The following MICU3 variants were observed in gnomAD, a reference collection of about 807,000 sequenced individuals.
The protein encoded by MICU3 is mitochondrial calcium uptake 3.
MICU3 carries 62 observed loss-of-function variants against 66.5 expected under a neutral mutation model. That is an observed-to-expected ratio of 0.93 (90% CI 0.76 to 1.15). The LOEUF (loss-of-function observed/expected upper bound fraction) is 1.15. Among genes scored for constraint, MICU3 ranks in the 50% most tolerant of loss-of-function variants. The pLI is 0.00. For missense variants in MICU3, 779 were observed against 664.4 expected (o/e 1.17, Z -1.90); for synonymous variants, 308 against 240.7 (o/e 1.28, Z -2.59).
At chr8:17,071,255 A>C (rs1259072810) in intron 3 of MICU3, among the ~76,000 whole-genome samples, 1 of 152,140 alleles carries the variant, frequency 6.6e-6, no homozygotes, top group African/African-American at 2.4e-5. Flanking sequence ...AGTGGGTTTA[A>C]CACCAGACAT....
chr8:17,099,352 T>G (rs979288658), intron 9 of MICU3, among the ~76,000 whole-genome samples: 1 of 151,820 alleles, frequency 6.6e-6, no homozygotes, highest in Non-Finnish European at 1.5e-5. Flanking sequence ...GGCTTCTCAT[T>G]TCTTTTTCTA....
rs1386204246 is a variant in MICU3 at position 17,087,492 on chromosome 8, T to C, written c.849+457T>C. Among the ~76,000 whole-genome samples the C allele has an allele frequency of 2.6e-5, 4 of 152,152 alleles. No homozygotes were observed. In the South Asian group the frequency reaches 8.3e-4, roughly 32 times the overall value. On this transcript the variant is annotated intron_variant, in intron 7 of 14. Transcript: ENST00000318063. ...GAGATTCTTCTTCTGGGATATATAA[T>C]ATTTTCATCTTTTTCTGAAGTTAGA...
chr8:17,120,157 C>G (rs1055433862), intron 14 of MICU3, 131 bp from the exon 15 acceptor site: 1 of 152,012 alleles, frequency 6.6e-6, no homozygotes. Context: ...GTCTTTGTGT[C>G]TTATATTTTA....
chr8:17,057,291 T>C (rs933885044), intron 1 of MICU3, among the ~76,000 whole-genome samples: 2 of 151,988 alleles, frequency 1.3e-5, no homozygotes, highest in African/African-American at 4.8e-5. Flanking sequence ...GGTACAGACA[T>C]TGGGAAATCA....
chr8:17,102,502 G>T (rs1801352005), intron 9 of MICU3: 1 of 110,364 alleles, frequency 9.1e-6, no homozygotes, highest in Non-Finnish European at 1.7e-5. Context: ...TTATAGATAA[G>T]AAAGCTGAAG....
chr8:17,103,196 G>A (rs1187325013), intron 9 of MICU3, among the ~76,000 whole-genome samples: 2 of 151,592 alleles, frequency 1.3e-5, no homozygotes, highest in Non-Finnish European at 3.0e-5. Flanking sequence ...CATGGAGAAA[G>A]GAAATAAAGA....
intron 1 of MICU3, among the ~76,000 whole-genome samples, chr8:17,057,441 T>C (rs1011115395): frequency 2.6e-5 from 4 of 152,194 alleles, no homozygotes; most frequent in African/African-American, 7.2e-5. Flanking sequence ...CCAAAACTTA[T>C]ATGAAAACAA....
At chr8:17,081,374 T>G (rs537823288) in intron 4 of MICU3, among the ~76,000 whole-genome samples, 1 of 152,242 alleles carries the variant, frequency 6.6e-6, no homozygotes, top group East Asian at 1.9e-4. Context: ...ACTTGACAAC[T>G]TTTTTATTTT....
At chr8:17,130,251 G>GC in the MICU3 span, among the ~76,000 whole-genome samples, 1 of 152,116 alleles carries the variant, frequency 6.6e-6, no homozygotes, top group African/African-American at 2.4e-5. Flanking sequence ...GAGACTAGGC[G>GC]CGGTGGCTCA....
chr8:17,071,093 G>A (rs1386027402), intron 3 of MICU3, among the ~76,000 whole-genome samples: 1 of 152,106 alleles, frequency 6.6e-6, no homozygotes, highest in African/African-American at 2.4e-5. Flanking sequence ...TTGACTGAGG[G>A]TCACAGAAAC....
intron 7 of MICU3, among the ~76,000 whole-genome samples, chr8:17,090,021 A>G (rs927238122): frequency 6.6e-6 from 1 of 152,084 alleles, no homozygotes; most frequent in Non-Finnish European, 1.5e-5. Flanking sequence ...CTCATTGTTA[A>G]TGTTACTCCC....
chr8:17,075,001 G>GT (rs1163369370), intron 3 of MICU3, among the ~76,000 whole-genome samples: 1 of 152,050 alleles, frequency 6.6e-6, no homozygotes, highest in African/African-American at 2.4e-5. Flanking sequence ...AGTCTAGGAG[G>GT]TTGCCACAGC....
In MICU3 at chr8:17,098,485, G is replaced by A. The variant is rs1376465671; in HGVS notation, c.916G>A (p.Val306Ile). 2 of 1,611,282 alleles carry A rather than the reference G, an allele frequency of 1.2e-6. No individual in the cohort carries two copies. Among genetic ancestry groups the A allele is most frequent in the Admixed American group, 3.3e-5 (2 of 59,870 alleles). ...SVLKTDAEEL[V>I]SRSYWDTLRR... The stretch of plus-strand genomic sequence containing the variant: ...ACTTAAAACAGATGCTGAGGAACTT[G>A]TCTCCAGAAGCTATTGGGATACACT... Residue 306 changes from valine to isoleucine, a missense_variant, in exon 9 of 15, where the codon GTC (valine) becomes ATC (isoleucine). Val to Ile is a conservative substitution (Grantham distance 29). Transcript: ENST00000318063.
chr8:17,089,193 T>C (rs1006075399), intron 7 of MICU3, among the ~76,000 whole-genome samples: 4 of 152,044 alleles, frequency 2.6e-5, no homozygotes, highest in East Asian at 1.9e-4. Flanking sequence ...ACTTTTATAA[T>C]GTAGCTATCA....
intron 6 of MICU3, among the ~76,000 whole-genome samples, chr8:17,086,280 T>C (rs7812918): frequency 0.11 from 16,159 of 152,142 alleles, 960 homozygotes; most frequent in South Asian, 0.25. Context: ...ATCATTCTTT[T>C]TCTTAGTAGG....
chr8:17,079,768 T>G (rs748213778), intron 4 of MICU3, among the ~76,000 whole-genome samples: 27 of 152,066 alleles, frequency 1.8e-4, no homozygotes, highest in African/African-American at 7.2e-5. Context: ...GTGCTGAGAT[T>G]ATAGGTGTGA....
chr8:17,028,620 G>T (rs1465987202), intron 1 of MICU3, among the ~76,000 whole-genome samples: 3 of 152,230 alleles, frequency 2.0e-5, no homozygotes, highest in Non-Finnish European at 4.4e-5. Context: ...TTAATACGCA[G>T]TGGTGATCTG....
chr8:17,074,477 G>A lies in MICU3; in HGVS notation c.568-3306G>A, dbSNP rs1820079240. On this transcript the variant is annotated intron_variant, in intron 3 of 14. Transcript: ENST00000318063. ...ATATGCTCACTATAATATATTAAAT[G>A]TAAAGGGTAAATTATAAAACAGTAT... 2.0e-5 allele frequency among the ~76,000 whole-genome samples: 3 copies of A among 152,014 alleles called. No homozygotes were observed. The South Asian group carries it at 6.2e-4, about 31-fold the overall frequency.
intron 5 of MICU3, among the ~76,000 whole-genome samples, chr8:17,083,616 T>G (rs1291918688): frequency 1.3e-5 from 2 of 152,080 alleles, no homozygotes; most frequent in South Asian, 4.1e-4. Flanking sequence ...CCATTATAAT[T>G]TTGCAATGGC....
Sources: allele counts gnomAD v4.1 joint callset (sites outside exome capture counted in the v4.1 genomes callset), GRCh38; gene constraint gnomAD v4.1.1; transcripts MANE v1.5; gene names NCBI Gene and HGNC (gene_info 2026-07-23, HGNC 2026-07-21).